Variants in AGAP1 observed in about 807,000 individuals in gnomAD.
The protein encoded by AGAP1 is arf-GAP with GTPase, ANK repeat and PH domain-containing protein 1.
Under a neutral mutation model 105.3 loss-of-function variants are expected in AGAP1, and 29 were observed. The ratio of observed to expected loss-of-function variants is 0.28; its 90% CI spans 0.21 to 0.38. AGAP1 has a LOEUF of 0.38. Among genes scored for constraint, AGAP1 ranks in the 10% least tolerant of loss-of-function variants. The pLI is 1.00. For missense variants in AGAP1, 998 were observed against 1,165.1 expected (o/e 0.86, Z 2.09); for synonymous variants, 509 against 485.9 (o/e 1.05, Z -0.63).
At chr2:235,711,089 C>T (rs531755681) in intron 2 of AGAP1, among the ~76,000 whole-genome samples, 1 of 152,326 alleles carries the variant, frequency 6.6e-6, no homozygotes, top group African/African-American at 2.4e-5. Context: ...ACCGCACTGC[C>T]TGACAGAACT....
At chr2:235,707,747 G>A (rs141532987) in intron 1 of AGAP1, among the ~76,000 whole-genome samples, 8 of 150,306 alleles carry the variant, frequency 5.3e-5, no homozygotes, top group Admixed American at 6.6e-5. Flanking sequence ...GGTAGGACGT[G>A]CTCCCCAGTG....
rs980238197 is a variant in AGAP1, at chr2:236,038,938, A to G, written c.1801-1813A>G. 3.3e-5 allele frequency among the ~76,000 whole-genome samples: 5 copies of G among 152,200 alleles called. No homozygotes were observed. The highest frequency in any genetic ancestry group is 9.6e-5 in the African/African-American group (4 of 41,454). On this transcript the variant is annotated intron_variant, in intron 14 of 17. Coordinates refer to ENST00000304032, the MANE Select transcript of AGAP1 (RefSeq NM_001037131.3). The surrounding 1 kb of genome is among the most constrained non-coding windows in gnomAD (Gnocchi z 4.5). ...TCTAACCAAAGGGAATTAAAATTCA[A>G]TAACGCATGATGCTAATTAGACAGT...
In AGAP1 at chr2:236,035,994, G is replaced by C. The variant is rs2057367766; in HGVS notation, c.1646-567G>C. Among the ~76,000 whole-genome samples, 1 of 152,016 alleles carries C rather than the reference G, an allele frequency of 6.6e-6. No homozygotes were observed. The highest frequency in any genetic ancestry group is 1.5e-5 in the Non-Finnish European group (1 of 67,996). On this transcript the variant is annotated intron_variant, in intron 13 of 17. Transcript: ENST00000304032. The surrounding 1 kb of genome is among the most constrained non-coding windows in gnomAD (Gnocchi z 4.2). Reference sequence around the variant, plus strand: ...CCCCAGAGTAGCTACCAAGTCTGGGGCCTGTCTCAGCTGAGATCCTCCTAA... The same window carrying C: ...CCCCAGAGTAGCTACCAAGTCTGGGCCCTGTCTCAGCTGAGATCCTCCTAA...
chr2:235,646,337 C>T (rs1947386030), intron 1 of AGAP1, among the ~76,000 whole-genome samples: 2 of 150,884 alleles, frequency 1.3e-5, no homozygotes, highest in East Asian at 3.9e-4. Flanking sequence ...GATAATGCAT[C>T]TTTATTTAAC....
rs3795896 is a variant in AGAP1 at position 235,782,979 on chromosome 2, T to G, written c.674-14780T>G. ...GTGCAATAAATTGTGGTTTGTTTAT[T>G]TTAGTTTTTAACCTTTTAGACTACT... is the stretch of plus-strand genomic sequence containing the variant. On this transcript the variant is annotated intron_variant, in intron 6 of 17. Transcript: ENST00000304032. Among the ~76,000 whole-genome samples, 9 of 152,214 alleles carry G rather than the reference T, an allele frequency of 5.9e-5. No individual in the cohort carries two copies. In the East Asian group the frequency reaches 1.7e-3, roughly 29 times the overall value.
Position 235,877,343 on chromosome 2 carries a change from A to T in AGAP1, c.1051-6002A>T, listed in dbSNP as rs1348092882. On this transcript the variant is annotated intron_variant, in intron 9 of 17. Coordinates refer to ENST00000304032, the MANE Select transcript of AGAP1 (RefSeq NM_001037131.3). The surrounding 1 kb of genome is among the most constrained non-coding windows in gnomAD (Gnocchi z 4.3). ...ATTTACTGTGCATTTAATGTTAAGG[A>T]TGATGATGTTTTGCTGAAACAAAAT... Among the ~76,000 whole-genome samples, 4 of 152,154 alleles carry T rather than the reference A, an allele frequency of 2.6e-5. No individual in the cohort carries two copies. The highest frequency in any genetic ancestry group is 4.4e-5 in the Non-Finnish European group (3 of 68,036).
At position 236,109,705 on chromosome 2, in the gene AGAP1, T is replaced by C. The variant is rs1235141015; in HGVS notation, c.2115-10487T>C. Among the ~76,000 whole-genome samples the C allele has an allele frequency of 6.6e-6, 1 of 152,164 alleles. No homozygotes were observed. The highest frequency in any genetic ancestry group is 2.4e-5 in the African/African-American group (1 of 41,466). ...CCGGCAGCCGTGGAAACGTTCTGGA[T>C]CCGAGCATCCCAGGGTAGCAGCTGC... is the stretch of plus-strand genomic sequence containing the variant. On this transcript the variant is annotated intron_variant, in intron 16 of 17. Coordinates refer to ENST00000304032, the MANE Select transcript of AGAP1 (RefSeq NM_001037131.3). The surrounding 1 kb of genome is among the most constrained non-coding windows in gnomAD (Gnocchi z 5.4).
chr2:235,699,978 ACTT>A lies in AGAP1; in HGVS notation c.164-9196_164-9194del, dbSNP rs1193844020. ...GGCCTGTTTCTGTAGCTTGGGATGAACTTCTTCCCTGCATCTGTGAACAAGCTT... is the reference window on the plus strand; with the variant it reads ...GGCCTGTTTCTGTAGCTTGGGATGAACTTCCCTGCATCTGTGAACAAGCTT... On this transcript the variant is annotated intron_variant, in intron 1 of 17. Transcript: ENST00000304032. Among the ~76,000 whole-genome samples, 4 of 152,144 alleles carry A rather than the reference ACTT, an allele frequency of 2.6e-5. No individual in the cohort carries two copies. The East Asian group carries it at 5.8e-4, about 22-fold the overall frequency.
In AGAP1 at chr2:236,003,578, G is replaced by A. The variant is rs2056211492; in HGVS notation, c.1646-32983G>A. 2.0e-5 allele frequency among the ~76,000 whole-genome samples: 3 copies of A among 152,064 alleles called. No individual in the cohort carries two copies. The highest frequency in any genetic ancestry group is 6.6e-5 in the Admixed American group (1 of 15,266). ...CCCTGCGCTGCTGCTGCCCGCATGG[G>A]GTACCCTTAAGTCCCACATCCAAGC... is the stretch of plus-strand genomic sequence containing the variant. On this transcript the variant is annotated intron_variant, in intron 13 of 17. Transcript: ENST00000304032. This position sits in a 1 kb window ranked among gnomAD's most constrained non-coding sequence, Gnocchi z 4.2.
intron 1 of AGAP1, among the ~76,000 whole-genome samples, chr2:235,643,542 G>T (rs945297354): frequency 1.3e-5 from 2 of 151,482 alleles, no homozygotes; most frequent in South Asian, 2.1e-4. Flanking sequence ...CATCATAATG[G>T]CACTGGGGAA....
chr2:235,620,599 T>C lies in AGAP1; in HGVS notation c.164-88580T>C, dbSNP rs1946445506. Among the ~76,000 whole-genome samples the C allele has an allele frequency of 6.6e-6, 1 of 152,180 alleles. No individual in the cohort carries two copies. Among genetic ancestry groups the C allele is most frequent in the Admixed American group, 6.5e-5 (1 of 15,276 alleles). ...TGAGGACCCTCCGTGGCACCTGGCC[T>C]TCCTCCCAGCCACAGCCCCTCCTCC... is the stretch of plus-strand genomic sequence containing the variant. On this transcript the variant is annotated intron_variant, in intron 1 of 17. Transcript: ENST00000304032. This position sits in a 1 kb window ranked among gnomAD's most constrained non-coding sequence, Gnocchi z 4.5.
chr2:235,780,314 T>A (rs980758674), intron 6 of AGAP1, among the ~76,000 whole-genome samples: 4 of 152,178 alleles, frequency 2.6e-5, no homozygotes. Flanking sequence ...GCAAAATATA[T>A]ATATATGTAT....
intron 9 of AGAP1, among the ~76,000 whole-genome samples, chr2:235,841,260 G>A (rs137982671): frequency 8.3e-4 from 127 of 152,244 alleles, no homozygotes; most frequent in African/African-American, 2.7e-3. Flanking sequence ...ATACAGTGGC[G>A]AACTGTTCCA....
At chr2:235,644,338 G>A (rs1222917737) in intron 1 of AGAP1, among the ~76,000 whole-genome samples, 1 of 152,218 alleles carries the variant, frequency 6.6e-6, no homozygotes, top group African/African-American at 2.4e-5. Context: ...TCACTGTCAT[G>A]TGGCCTCTTC....
In AGAP1 at chr2:235,852,764, C is replaced by G. The variant is rs987854725; in HGVS notation, c.1051-30581C>G. 3.7e-5 allele frequency: 56 copies of G among 1,532,732 alleles called. 1 individual carries two copies. In the African/African-American group the frequency reaches 7.4e-4, roughly 20 times the overall value. 94.9% of individuals were successfully genotyped at this position (1,532,732 alleles called of 1,614,324 possible). A position where few individuals can be genotyped will look rare whatever the true frequency, so the allele number is the denominator to read the frequency against. On this transcript the variant is annotated intron_variant, in intron 9 of 17. Transcript: ENST00000304032. ...TGGAGCCCGTGCCCGTCAGTCCTCC[C>G]CCTGGCCAGGGCCGAGGGGTGGTCA...
intron 8 of AGAP1, among the ~76,000 whole-genome samples, chr2:235,802,630 GGTGGTGATGATGGTT>G (rs1957547242): frequency 6.6e-6 from 1 of 150,440 alleles, no homozygotes. Context: ...ACAAAATGAT[GGTGGTGATGATGGTT>G]GTGGTGATGA....
chr2:235,499,142 C>T (rs551860500), intron 1 of AGAP1, among the ~76,000 whole-genome samples: 3 of 152,322 alleles, frequency 2.0e-5, no homozygotes, highest in African/African-American at 7.2e-5. Context: ...CTGGGCCCGT[C>T]CGACCTCACC....
intron 5 of AGAP1, among the ~76,000 whole-genome samples, chr2:235,748,480 G>A (rs1953151569): frequency 6.6e-6 from 1 of 152,190 alleles, no homozygotes; most frequent in African/African-American, 2.4e-5. Flanking sequence ...TTACTAATCA[G>A]CAAGACAAGA....
rs757210831 is a variant in AGAP1, at chr2:236,104,022, T to C, written c.2115-16170T>C. Among the ~76,000 whole-genome samples the C allele has an allele frequency of 2.4e-4, 36 of 152,230 alleles. No individual in the cohort carries two copies. Among genetic ancestry groups the C allele is most frequent in the African/African-American group, 4.3e-4 (18 of 41,464 alleles). On this transcript the variant is annotated intron_variant, in intron 16 of 17. Transcript: ENST00000304032. The surrounding 1 kb of genome is among the most constrained non-coding windows in gnomAD (Gnocchi z 4.7). ...TGAGATGTGGAGGGTTTTATCCCCT[T>C]TTTGCGGGTAGGGAAATTGAATATT...
Sources: allele counts gnomAD v4.1 joint callset (sites outside exome capture counted in the v4.1 genomes callset), GRCh38; gene constraint gnomAD v4.1.1; non-coding constraint Gnocchi (gnomAD v3.1); transcripts MANE v1.5; gene names NCBI Gene and HGNC (gene_info 2026-07-23, HGNC 2026-07-21).